UBAP1: variants seen among roughly 807,000 people sequenced by gnomAD.
The protein encoded by UBAP1 is ubiquitin associated protein 1, also known as ubiquitin-associated protein 1.
Under a neutral mutation model 39.0 loss-of-function variants are expected in UBAP1, and 5 were observed. That is an observed-to-expected ratio of 0.13 (90% CI 0.07 to 0.27). The LOEUF is 0.27. Among genes scored for constraint, UBAP1 ranks in the 10% least tolerant of loss-of-function variants. UBAP1 has a pLI of 1.00. For synonymous variants in UBAP1, 211 were observed against 225.1 expected (o/e 0.94, Z 0.56); for missense variants, 490 against 608.1 (o/e 0.81, Z 2.04).
rs749780991 is a variant in UBAP1 at position 34,241,927 on chromosome 9, C to T, written c.902C>T (p.Ser301Phe). ...SCLRNGTFQN[S>F]LKPSTQSSAS... ...CTCCGCAATGGCACGTTCCAGAATT[C>T]CCTAAAGCCTTCCACCCAAAGCAGT... Residue 301 changes from serine (S) to phenylalanine (F), a missense_variant, in exon 4 of 7, where the codon TCC (serine) becomes TTC (phenylalanine). Ser to Phe is a radical substitution (Grantham distance 155). Coordinates refer to ENST00000297661, the MANE Select transcript of UBAP1 (RefSeq NM_016525.5). 1.6e-5 allele frequency: 26 copies of T among 1,614,070 alleles called. No individual in the cohort carries two copies. The highest frequency in any genetic ancestry group is 2.2e-5 in the Non-Finnish European group (26 of 1,180,048).
intron 4 of UBAP1, among the ~76,000 whole-genome samples, chr9:34,249,240 C>T (rs1162308885): frequency 1.3e-5 from 2 of 152,098 alleles, no homozygotes; most frequent in Admixed American, 1.3e-4. Flanking sequence ...GGTTCCTGAG[C>T]TGTCCAGGTT....
intron 1 of UBAP1, among the ~76,000 whole-genome samples, chr9:34,198,004 C>G (rs7036296): frequency 0.37 from 56,953 of 152,056 alleles, 11,677 homozygotes; most frequent in East Asian, 0.89. Flanking sequence ...CTGGTAGTAT[C>G]TGTGGGCAAG....
At chr9:34,242,747 A>G (rs1354849680) in intron 4 of UBAP1, among the ~76,000 whole-genome samples, 1 of 151,962 alleles carries the variant, frequency 6.6e-6, no homozygotes, top group Admixed American at 6.6e-5. Context: ...CTGGTCTCAA[A>G]CTCCTGACCT....
At chr9:34,217,054 G>A (rs1449972392) in intron 1 of UBAP1, among the ~76,000 whole-genome samples, 3 of 151,772 alleles carry the variant, frequency 2.0e-5, no homozygotes, top group Non-Finnish European at 2.9e-5. Flanking sequence ...CCGGCCTCTG[G>A]TAATTACTAT....
chr9:34,215,234 A>C (rs576796242), intron 1 of UBAP1, among the ~76,000 whole-genome samples: 1 of 152,192 alleles, frequency 6.6e-6, no homozygotes, highest in South Asian at 2.1e-4. Context: ...AATGCCTATC[A>C]ACGAATGGAT....
chr9:34,242,132 G>A (rs780191093), intron 4 of UBAP1, 24 bp downstream of exon 4: 11 of 1,548,508 alleles, frequency 7.1e-6, no homozygotes, highest in Middle Eastern at 1.7e-4. Context: ...ATCCCCCGCC[G>A]ACTCCCATAT....
intron 3 of UBAP1, among the ~76,000 whole-genome samples, chr9:34,235,335 A>G (rs1373016079): frequency 6.6e-6 from 1 of 151,346 alleles, no homozygotes; most frequent in Admixed American, 6.6e-5. Flanking sequence ...GTGTGTGTAT[A>G]TATATATGTA....
intron 2 of UBAP1, among the ~76,000 whole-genome samples, chr9:34,229,092 G>C (rs914065432): frequency 2.0e-5 from 3 of 152,114 alleles, no homozygotes; most frequent in Admixed American, 2.0e-4. Flanking sequence ...ATTGGTGCTA[G>C]TGAAGGGAAA....
intron 1 of UBAP1, among the ~76,000 whole-genome samples, chr9:34,193,693 A>T (rs940412886): frequency 6.6e-6 from 1 of 152,172 alleles, no homozygotes; most frequent in Non-Finnish European, 1.5e-5. Context: ...AAGGATATAG[A>T]TGAAGGGATG....
chr9:34,251,772 C>T lies in UBAP1; in HGVS notation c.*240C>T, dbSNP rs879009796. On this transcript the variant is annotated 3_prime_UTR_variant, in exon 7 of 7. Transcript: ENST00000297661. ...GCTCCTTCCGTATTAAACGCATTTG[C>T]ATTTTGAGAAGTGTCCTTCCCACTT... The T allele has an allele frequency of 2.2e-6, 1 of 453,354 alleles. No homozygotes were observed. Among genetic ancestry groups the T allele is most frequent in the South Asian group, 3.7e-5 (1 of 26,896 alleles). The allele number at this position is 453,354 out of a possible 1,614,324, so 28.1% of individuals were successfully genotyped here. A position where few individuals can be genotyped will look rare whatever the true frequency, so the allele number is the denominator to read the frequency against.
rs778956133 is a variant in UBAP1, at chr9:34,249,915, A to C, written c.1220A>C (p.Glu407Ala). 6.2e-7 allele frequency: 1 copy of C among 1,614,204 alleles called. No homozygotes were observed. The highest frequency in any genetic ancestry group is 8.5e-7 in the Non-Finnish European group (1 of 1,180,042). The change falls in exon 5 of 7, where the codon GAG (glutamate) becomes GCG (alanine). Residue 407 changes from glutamate (E) to alanine (A), a missense_variant. Physicochemically the swap from Glu to Ala is moderately radical, Grantham distance 107. This residue lies in a region of UBAP1 where 339 missense variants were observed against 390.0 expected (regional missense o/e 0.87). Coordinates refer to ENST00000297661, the MANE Select transcript of UBAP1 (RefSeq NM_016525.5). ...GTGGTCAACATGGGCTACTCGTACG[A>C]GTGTGTCCTCAGAGCCATGAAGAAG... is the stretch of plus-strand genomic sequence containing the variant. Reference protein sequence around the residue: ...ETVVNMGYSYECVLRAMKKKG... With the variant: ...ETVVNMGYSYACVLRAMKKKG...
intron 2 of UBAP1, among the ~76,000 whole-genome samples, chr9:34,222,022 A>T (rs372708692): frequency 2.6e-5 from 4 of 152,102 alleles, no homozygotes; most frequent in African/African-American, 9.7e-5. Flanking sequence ...CCAGCTACTC[A>T]GGGGGCTAAG....
At chr9:34,226,152 T>TGTGTGTGTGTGTGTGTGTGTGG (rs1324978801) in intron 2 of UBAP1, among the ~76,000 whole-genome samples, 3 of 142,478 alleles carry the variant, frequency 2.1e-5, no homozygotes, top group African/African-American at 7.6e-5. Flanking sequence ...TGTGTGTGTG[T>TGTGTGTGTGTGTGTGTGTGTGG]GTGTGGTGGG....
At chr9:34,219,643 A>T (rs1037279374) in intron 1 of UBAP1, among the ~76,000 whole-genome samples, 4 of 149,794 alleles carry the variant, frequency 2.7e-5, no homozygotes, top group Non-Finnish European at 5.9e-5. Flanking sequence ...TCTGAAAAAA[A>T]TGCCCCTGTG....
At chr9:34,181,395 C>A (rs1329787637) in intron 1 of UBAP1, among the ~76,000 whole-genome samples, 1 of 151,380 alleles carries the variant, frequency 6.6e-6, no homozygotes, top group African/African-American at 2.4e-5. Flanking sequence ...GGATTACAGG[C>A]GTGAGCCACC....
intron 2 of UBAP1, among the ~76,000 whole-genome samples, chr9:34,221,701 A>C (rs1003692850): frequency 6.6e-6 from 1 of 152,090 alleles, no homozygotes; most frequent in Admixed American, 6.6e-5. Flanking sequence ...ATCAATCACT[A>C]TATTACAGAG....
At chr9:34,220,784 T>G in intron 1 of UBAP1, 124 bp from the exon 2 acceptor site, 1 of 723,080 alleles carries the variant, frequency 1.4e-6, no homozygotes, top group Non-Finnish European at 2.3e-6. Context: ...ACTTTGGGAG[T>G]GAGACGTGAG....
intron 4 of UBAP1, among the ~76,000 whole-genome samples, chr9:34,248,687 G>A (rs901242657): frequency 5.8e-4 from 88 of 152,180 alleles, no homozygotes; most frequent in African/African-American, 2.0e-3. Context: ...AACAGAATGG[G>A]CTCTGAGGCC....
intron 1 of UBAP1, among the ~76,000 whole-genome samples, chr9:34,215,866 T>C (rs1022911450): frequency 6.6e-6 from 1 of 151,982 alleles, no homozygotes; most frequent in Non-Finnish European, 1.5e-5. Flanking sequence ...GACTGAAGTT[T>C]TGCTGCATAG....
Sources: gnomAD v4.1 joint callset for allele counts (sites outside exome capture counted in the v4.1 genomes callset) on GRCh38, gnomAD v4.1.1 for gene constraint, gnomAD v4.1.1 regional missense constraint, MANE v1.5 for transcripts, NCBI Gene and HGNC (gene_info 2026-07-23, HGNC 2026-07-21) for gene names.